Variants in PLXNA4 observed in about 807,000 individuals in gnomAD.
PLXNA4 encodes plexin A4, also known as plexin-A4.
A neutral mutation model predicts 191.8 loss-of-function variants in PLXNA4; 44 were observed. The ratio of observed to expected loss-of-function variants is 0.23; its 90% CI spans 0.18 to 0.29. The LOEUF (loss-of-function observed/expected upper bound fraction) is 0.29, where lower values mean the gene tolerates loss of function less well. PLXNA4 is among the 10% of genes least tolerant of loss of function. The pLI, the probability that PLXNA4 is intolerant of heterozygous loss-of-function variation, is 1.00. For missense variants in PLXNA4, 1,800 were observed against 2,488.8 expected, an observed-to-expected ratio of 0.72 and a Z score of 5.89; for synonymous variants, 1,082 against 1,009.5, an observed-to-expected ratio of 1.07 and a Z score of -1.36.
chr7:132,178,043 GT>G (rs1796535481), intron 20 of PLXNA4, among the ~76,000 whole-genome samples: 1 of 152,158 alleles, frequency 6.6e-6, no homozygotes, highest in African/African-American at 2.4e-5. Flanking sequence ...GGTTACAAGA[GT>G]CTGACTCCTA....
intron 2 of PLXNA4, among the ~76,000 whole-genome samples, chr7:132,504,286 G>A (rs537449030): frequency 1.3e-5 from 2 of 152,364 alleles, no homozygotes; most frequent in South Asian, 2.1e-4. Context: ...CCTGGCACAA[G>A]GGGCCTTGTA....
At chr7:132,479,032 C>A (rs1267686511) in intron 3 of PLXNA4, among the ~76,000 whole-genome samples, 1 of 152,016 alleles carries the variant, frequency 6.6e-6, no homozygotes, top group African/African-American at 2.4e-5. Flanking sequence ...TTTTGGGAGG[C>A]CGAGGTGGGA....
chr7:132,600,981 CT>C (rs567980964), intron 2 of PLXNA4, among the ~76,000 whole-genome samples: 199 of 151,770 alleles, frequency 1.3e-3, no homozygotes, highest in Middle Eastern at 6.8e-3. Context: ...ATTCTTGTTT[CT>C]TTGGTTTAAT....
At chr7:132,442,757 C>T (rs1386851505) in intron 3 of PLXNA4, among the ~76,000 whole-genome samples, 1 of 152,206 alleles carries the variant, frequency 6.6e-6, no homozygotes, top group African/African-American at 2.4e-5. Context: ...AGGCATTAAG[C>T]AAGTAACCAA....
At chr7:132,340,804 A>C (rs1331009455) in intron 3 of PLXNA4, among the ~76,000 whole-genome samples, 1 of 152,138 alleles carries the variant, frequency 6.6e-6, no homozygotes, top group East Asian at 1.9e-4. Flanking sequence ...CAGTCTCCTG[A>C]GTAGCTGGGA....
chr7:132,539,065 TCACCCTC>T (rs1163136290), intron 1 of PLXNA4, among the ~76,000 whole-genome samples: 2 of 152,212 alleles, frequency 1.3e-5, no homozygotes, highest in Non-Finnish European at 2.9e-5. Flanking sequence ...TGCCACCCTC[TCACCCTC>T]CTTGCTCTTC....
intron 2 of PLXNA4, among the ~76,000 whole-genome samples, chr7:132,609,610 T>C (rs989206221): frequency 2.0e-5 from 3 of 152,250 alleles, no homozygotes; most frequent in Non-Finnish European, 4.4e-5. Flanking sequence ...TTTACTTTTA[T>C]TTACTGAATT....
At chr7:132,228,318 A>T (rs771151341) in intron 6 of PLXNA4, 28 bp downstream of exon 6, 23 of 1,613,120 alleles carry the variant, frequency 1.4e-5, no homozygotes, top group Non-Finnish European at 1.9e-5. Flanking sequence ...GCATCCCTGG[A>T]CCCCACCCCA....
intron 3 of PLXNA4, among the ~76,000 whole-genome samples, chr7:132,447,863 T>C (rs1357132286): frequency 6.6e-6 from 1 of 151,728 alleles, no homozygotes; most frequent in Non-Finnish European, 1.5e-5. Flanking sequence ...TTAAAAAAAT[T>C]AGCCAGGTGT....
upstream of PLXNA4, among the ~76,000 whole-genome samples, chr7:132,582,244 A>G (rs182479179): frequency 4.4e-3 from 674 of 152,348 alleles, 2 homozygotes; most frequent in Middle Eastern, 0.027. Context: ...TGGGGTGCAC[A>G]TAACAGAAAA....
intron 5 of PLXNA4, among the ~76,000 whole-genome samples, chr7:132,228,720 T>A (rs1798420544): frequency 6.6e-6 from 1 of 152,182 alleles, no homozygotes; most frequent in Non-Finnish European, 1.5e-5. Context: ...CCTCATCCTC[T>A]CCAAACTCAC....
upstream of PLXNA4, among the ~76,000 whole-genome samples, chr7:132,579,879 A>ATT (rs112989830): frequency 1.7e-3 from 259 of 148,268 alleles, 5 homozygotes; most frequent in Middle Eastern, 7.0e-3. Flanking sequence ...GCAGTAGAGG[A>ATT]TTTTTTTTTT....
At chr7:132,248,946 G>T (rs536203412) in intron 4 of PLXNA4, among the ~76,000 whole-genome samples, 10 of 152,342 alleles carry the variant, frequency 6.6e-5, no homozygotes, top group African/African-American at 2.4e-4. Flanking sequence ...TTGGGCCATG[G>T]GGCTAATCCA....
At chr7:132,174,369 G>A (rs1261800005) in intron 21 of PLXNA4, among the ~76,000 whole-genome samples, 1 of 152,184 alleles carries the variant, frequency 6.6e-6, no homozygotes, top group Non-Finnish European at 1.5e-5. Flanking sequence ...TAAACACTAA[G>A]TGGTAAATCC....
At chr7:132,471,621 G>A (rs1796937935) in intron 3 of PLXNA4, among the ~76,000 whole-genome samples, 1 of 152,084 alleles carries the variant, frequency 6.6e-6, no homozygotes, top group Non-Finnish European at 1.5e-5. Flanking sequence ...AATGGCCCTG[G>A]TTCCTTAAAG....
intron 4 of PLXNA4, among the ~76,000 whole-genome samples, chr7:132,251,927 G>A (rs972416539): frequency 6.6e-6 from 1 of 152,296 alleles, no homozygotes; most frequent in East Asian, 1.9e-4. Flanking sequence ...CAAATGATTG[G>A]AAACTGATAT....
intron 1 of PLXNA4, among the ~76,000 whole-genome samples, chr7:132,563,811 C>T (rs1801529821): frequency 2.3e-5 from 2 of 88,302 alleles, no homozygotes; most frequent in Non-Finnish European, 5.0e-5. Flanking sequence ...TCCTTCTCCT[C>T]CTCCTTCTCC....
intron 2 of PLXNA4, among the ~76,000 whole-genome samples, chr7:132,631,607 T>C (rs896950830): frequency 3.3e-5 from 5 of 152,166 alleles, no homozygotes; most frequent in African/African-American, 1.2e-4. Context: ...TATCTGATCT[T>C]TTGCCCTGAG....
At chr7:132,140,887 GAGA>G (rs1795249076) in intron 29 of PLXNA4, 76 bp from the exon 30 acceptor site, 1 of 1,561,960 alleles carries the variant, frequency 6.4e-7, no homozygotes, top group Non-Finnish European at 8.6e-7. Flanking sequence ...GGGGTCTCTG[GAGA>G]AGGAGAGAAG....
Sources: gnomAD v4.1 joint callset for allele counts (sites outside exome capture counted in the v4.1 genomes callset) on GRCh38, gnomAD v4.1.1 for gene constraint, MANE v1.5 for transcripts, NCBI Gene and HGNC (gene_info 2026-07-23, HGNC 2026-07-21) for gene names.